Variants in PPFIBP1 observed in about 807,000 individuals in gnomAD.
PPFIBP1 encodes the protein liprin-beta-1.
Under a neutral mutation model 137.8 loss-of-function variants are expected in PPFIBP1, and 112 were observed. The observed-to-expected ratio is 0.81, with a 90% CI of 0.70 to 0.95. The LOEUF (loss-of-function observed/expected upper bound fraction) is 0.95. Ranked by LOEUF, PPFIBP1 falls within the 40% of genes least tolerant of loss-of-function variation. The probability of loss-of-function intolerance (pLI) is 0.00; values close to 1 mark genes in which losing one functional copy is unlikely to be tolerated. For missense variants in PPFIBP1, 1,083 were observed against 1,196.6 expected, an observed-to-expected ratio of 0.91 and a Z score of 1.40; for synonymous variants, 378 against 417.3, an observed-to-expected ratio of 0.91 and a Z score of 1.15.
chr12:27,661,552 G>A (rs180929069), intron 11 of PPFIBP1, among the ~76,000 whole-genome samples: 14 of 152,302 alleles, frequency 9.2e-5, no homozygotes, highest in Admixed American at 4.6e-4. Context: ...GTTACTGCAC[G>A]AAAGTAATGG....
At chr12:27,648,089 G>C in intron 6 of PPFIBP1, 1 of 437,202 alleles carries the variant, frequency 2.3e-6, no homozygotes, top group East Asian at 3.6e-5. Context: ...TTCTTTTTTT[G>C]CATTCAGATG....
At chr12:27,594,897 A>C (rs2053012429) in intron 2 of PPFIBP1, among the ~76,000 whole-genome samples, 1 of 152,214 alleles carries the variant, frequency 6.6e-6, no homozygotes, top group South Asian at 2.1e-4. Context: ...GAAACAGATT[A>C]TTTTATGGCA....
intron 21 of PPFIBP1, among the ~76,000 whole-genome samples, chr12:27,681,018 C>T (rs80296097): frequency 0.019 from 2,817 of 152,188 alleles, 85 homozygotes; most frequent in African/African-American, 0.064. Context: ...TCTTCCCCTC[C>T]GCACCCTGCC....
chr12:27,677,660 C>G (rs1027337804), intron 19 of PPFIBP1: 1 of 152,490 alleles, frequency 6.6e-6, no homozygotes, highest in Non-Finnish European at 1.5e-5. Context: ...GGCGTTACCC[C>G]CCAAAGTGAT....
intron 1 of PPFIBP1, among the ~76,000 whole-genome samples, chr12:27,543,407 G>T (rs1474169925): frequency 6.6e-6 from 1 of 152,056 alleles, no homozygotes; most frequent in Non-Finnish European, 1.5e-5. Context: ...AATCAACTTA[G>T]TATTAGAATA....
chr12:27,554,740 G>T (rs1432598366), intron 1 of PPFIBP1, among the ~76,000 whole-genome samples: 1 of 152,034 alleles, frequency 6.6e-6, no homozygotes, highest in African/African-American at 2.4e-5. Context: ...TGGTTCCTTT[G>T]TGCACGTTGT....
intron 2 of PPFIBP1, among the ~76,000 whole-genome samples, chr12:27,621,577 G>C (rs977383856): frequency 6.6e-6 from 1 of 152,090 alleles, no homozygotes; most frequent in African/African-American, 2.4e-5. Flanking sequence ...TTCTCCCACA[G>C]CCGAAAACTG....
At chr12:27,640,320 G>C (rs1425987574) in intron 4 of PPFIBP1, among the ~76,000 whole-genome samples, 3 of 152,114 alleles carry the variant, frequency 2.0e-5, no homozygotes, top group African/African-American at 7.2e-5. Context: ...CTTTTTCTTG[G>C]TCTCATGTTA....
intron 1 of PPFIBP1, among the ~76,000 whole-genome samples, chr12:27,554,791 A>G (rs1045706953): frequency 6.6e-6 from 1 of 151,826 alleles, no homozygotes; most frequent in Non-Finnish European, 1.5e-5. Flanking sequence ...GACTCCATAC[A>G]CTTTAAGAGG....
intron 2 of PPFIBP1, chr12:27,594,110 T>A: frequency 1.1e-6 from 1 of 930,436 alleles, no homozygotes. Context: ...AAAGAAAAAG[T>A]AGGTGGGACC....
chr12:27,691,723 T>C, intron 27 of PPFIBP1, 26 bp from the exon 28 acceptor site: 1 of 1,585,242 alleles, frequency 6.3e-7, no homozygotes. Flanking sequence ...ATCCTTTGGA[T>C]GTTTTTGTTT....
chr12:27,548,302 C>G (rs1314206786), intron 1 of PPFIBP1: 1 of 152,154 alleles, frequency 6.6e-6, no homozygotes, highest in South Asian at 2.1e-4. Flanking sequence ...GTGAGGCACA[C>G]AAACTCAGAC....
At chr12:27,671,132 G>A (rs538141255) in intron 13 of PPFIBP1, among the ~76,000 whole-genome samples, 4 of 151,508 alleles carry the variant, frequency 2.6e-5, no homozygotes, top group South Asian at 2.1e-4. Context: ...GCAAGACGCC[G>A]TCTCAAAAAA....
chr12:27,632,772 G>A (rs2057351347), intron 2 of PPFIBP1, among the ~76,000 whole-genome samples: 1 of 152,146 alleles, frequency 6.6e-6, no homozygotes, highest in Non-Finnish European at 1.5e-5. Context: ...GATAATTTAT[G>A]TAAATGTGTA....
chr12:27,585,587 C>T (rs896543918), intron 2 of PPFIBP1, among the ~76,000 whole-genome samples: 5 of 152,134 alleles, frequency 3.3e-5, no homozygotes, highest in Non-Finnish European at 5.9e-5. Context: ...CAAAGATAAG[C>T]AGAACATAGG....
chr12:27,543,703 T>G (rs1312465778), intron 1 of PPFIBP1, among the ~76,000 whole-genome samples: 1 of 152,152 alleles, frequency 6.6e-6, no homozygotes, highest in African/African-American at 2.4e-5. Flanking sequence ...TCCTGTCATG[T>G]TTAGAGTTCA....
chr12:27,634,985 G>C lies in PPFIBP1; in HGVS notation c.140G>C (p.Arg47Pro). 6.2e-7 allele frequency: 1 copy of C among 1,614,062 alleles called. No homozygotes were observed. Among genetic ancestry groups the C allele is most frequent in the Non-Finnish European group, 8.5e-7 (1 of 1,179,974 alleles). ...ACCTCTCCATTCATGGGAAGTTTGC[G>C]AGCTCTGCACCTTGTGGAAGACCTG... ...SPTSPFMGSL[R>P]ALHLVEDLRG... Residue 47 changes from arginine to proline, a missense_variant, in exon 4 of 30, where the codon CGA becomes CCA. Physicochemically the swap from Arg to Pro is moderately radical, Grantham distance 103 (BLOSUM62 -2). Coordinates refer to ENST00000228425, the MANE Select transcript of PPFIBP1 (RefSeq NM_003622.4).
At chr12:27,658,684 T>C (rs981970176) in intron 9 of PPFIBP1, 132 bp from the exon 10 acceptor site, 7 of 879,834 alleles carry the variant, frequency 8.0e-6, no homozygotes, top group South Asian at 6.2e-5. Context: ...CACAAAATAG[T>C]GCTGAAAAAG....
At chr12:27,588,419 A>G (rs2052053029) in intron 2 of PPFIBP1, among the ~76,000 whole-genome samples, 1 of 152,240 alleles carries the variant, frequency 6.6e-6, no homozygotes. Flanking sequence ...ATTTTACTGA[A>G]GAAAAATTCT....
Sources: gnomAD v4.1 joint callset for allele counts (sites outside exome capture counted in the v4.1 genomes callset) on GRCh38, gnomAD v4.1.1 for gene constraint, MANE v1.5 for transcripts, NCBI Gene and HGNC (gene_info 2026-07-23, HGNC 2026-07-21) for gene names.